Variants in CFTR observed in about 807,000 individuals in gnomAD.
CFTR encodes CF transmembrane conductance regulator.
In CFTR, 181 loss-of-function variants were observed where a neutral mutation model predicts 171.6. That is an observed-to-expected ratio of 1.05 (90% CI 0.93 to 1.19). The LOEUF (loss-of-function observed/expected upper bound fraction) is 1.19. CFTR is among the 50% of genes most tolerant of loss of function. The pLI, the probability that CFTR is intolerant of heterozygous loss-of-function variation, is 0.00. For missense variants in CFTR, 1,968 were observed against 1,734.7 expected, an observed-to-expected ratio of 1.13 and a Z score of -2.39; for synonymous variants, 583 against 608.0, an observed-to-expected ratio of 0.96 and a Z score of 0.60.
In CFTR at chr7:117,559,537, C is replaced by G. The variant is rs397508211; in HGVS notation, c.1466C>G (p.Ser489Ter). The G allele has an allele frequency of 6.2e-7, 1 of 1,611,132 alleles. No homozygotes were observed. Among genetic ancestry groups the G allele is most frequent in the African/African-American group, 1.3e-5 (1 of 74,810 alleles). The change falls in exon 11 of 27, where the codon TCA becomes TGA. Residue 489 changes from serine to a stop codon, truncating the protein, a stop_gained. Coordinates refer to ENST00000003084, the MANE Select transcript of CFTR (RefSeq NM_000492.4). LOFTEE classifies it high-confidence loss of function. ...EGKIKHSGRISFCSQFSWIMP... is the reference protein window; with the variant it reads ...EGKIKHSGRI ...AAAATTAAGCACAGTGGAAGAATTT[C>G]ATTCTGTTCTCAGTTTTCCTGGATT... is the stretch of plus-strand genomic sequence containing the variant.
At chr7:117,644,302 A>T (rs2116174583) in intron 23 of CFTR, among the ~76,000 whole-genome samples, 1 of 152,270 alleles carries the variant, frequency 6.6e-6, no homozygotes, top group East Asian at 1.9e-4. Context: ...AAGAAAGAGC[A>T]AAAGAGGGCA....
intron 10 of CFTR, among the ~76,000 whole-genome samples, chr7:117,553,047 A>G (rs767107305): frequency 1.7e-4 from 26 of 152,186 alleles, no homozygotes; most frequent in Non-Finnish European, 3.4e-4. Flanking sequence ...CCTTTCTGCC[A>G]TGTGAGAACA....
rs1792670569 is a variant in CFTR at position 117,627,562 on chromosome 7, C to T, written c.3509C>T (p.Pro1170Leu). The change falls in exon 22 of 27, where the codon CCA (proline) becomes CTA (leucine). Residue 1170 changes from proline to leucine, a missense_variant. Physicochemically the swap from Pro to Leu is moderately conservative, Grantham distance 98. Transcript: ENST00000003084. ...CGAGTCTTTAAGTTCATTGACATGC[C>T]AACAGAAGGTAAACCTACCAAGTCA... ...VSRVFKFIDM[P>L]TEGKPTKSTK... The T allele has an allele frequency of 6.2e-7, 1 of 1,612,968 alleles. No individual in the cohort carries two copies. The highest frequency in any genetic ancestry group is 1.3e-5 in the African/African-American group (1 of 74,812).
At chr7:117,486,144 A>G (rs1798070687) in intron 1 of CFTR, among the ~76,000 whole-genome samples, 1 of 152,140 alleles carries the variant, frequency 6.6e-6, no homozygotes, top group Admixed American at 6.6e-5. Flanking sequence ...TCATGGGGTA[A>G]GGAAATGAAG....
intron 3 of CFTR, among the ~76,000 whole-genome samples, chr7:117,521,763 G>T (rs1025465488): frequency 2.0e-5 from 3 of 152,094 alleles, no homozygotes; most frequent in Non-Finnish European, 4.4e-5. Flanking sequence ...GATCAGAACT[G>T]TAATTTTTAA....
chr7:117,627,641 A>T lies in CFTR; in HGVS notation c.3588A>T (p.Ser1196=), dbSNP rs759202870. ...CGAAAGTTATGATTATTGAGAATTCACACGTGAAGAAAGATGACATCTGGC... is the reference window on the plus strand; with the variant it reads ...CGAAAGTTATGATTATTGAGAATTCTCACGTGAAGAAAGATGACATCTGGC... ...QLSKVMIIEN[S]HVKKDDIWPS... The change falls in exon 22 of 27, where the codon TCA becomes TCT. Residue 1196 remains serine (S), a synonymous_variant. Transcript: ENST00000003084. The T allele has an allele frequency of 8.1e-6, 13 of 1,613,416 alleles. No homozygotes were observed. Among genetic ancestry groups the T allele is most frequent in the Non-Finnish European group, 1.1e-5 (13 of 1,179,628 alleles).
At chr7:117,536,193 A>G (rs2116678000) in intron 6 of CFTR, among the ~76,000 whole-genome samples, 1 of 152,324 alleles carries the variant, frequency 6.6e-6, no homozygotes, top group East Asian at 1.9e-4. Context: ...TTTGGAGTCA[A>G]ATAGCACTTT....
chr7:117,653,039 A>T (rs188608770), intron 24 of CFTR, 108 bp downstream of exon 24: 51 of 782,952 alleles, frequency 6.5e-5, no homozygotes, highest in Admixed American at 6.0e-4. Flanking sequence ...ATGTGTGTGC[A>T]CAACTTTAAA....
chr7:117,629,130 T>C (rs1792699376), intron 22 of CFTR, among the ~76,000 whole-genome samples: 1 of 152,142 alleles, frequency 6.6e-6, no homozygotes, highest in Non-Finnish European at 1.5e-5. Flanking sequence ...TGTAGCAAAA[T>C]GAGAAAGAAG....
intron 15 of CFTR, among the ~76,000 whole-genome samples, chr7:117,597,376 A>G (rs1442523953): frequency 6.6e-6 from 1 of 152,222 alleles, no homozygotes; most frequent in African/African-American, 2.4e-5. Context: ...GAACCCACCA[A>G]TTCCGGACAC....
chr7:117,491,209 A>T (rs1798155138), intron 1 of CFTR, among the ~76,000 whole-genome samples: 6 of 152,026 alleles, frequency 3.9e-5, no homozygotes, highest in Admixed American at 3.9e-4. Flanking sequence ...AAACACAGAA[A>T]AGGTGCACTA....
At chr7:117,535,524 AATT>A in intron 6 of CFTR, 113 bp downstream of exon 6, 2 of 774,648 alleles carry the variant, frequency 2.6e-6, no homozygotes, top group Non-Finnish European at 2.0e-6. Flanking sequence ...AGTGTCATTA[AATT>A]TTTTTTTTTT....
At chr7:117,566,688 C>G (rs1446480686) in intron 11 of CFTR, among the ~76,000 whole-genome samples, 2 of 152,062 alleles carry the variant, frequency 1.3e-5, no homozygotes, top group Non-Finnish European at 2.9e-5. Flanking sequence ...CATTTGAGCC[C>G]TGGAACTTGA....
At chr7:117,612,504 G>T (rs1451049818) in intron 20 of CFTR, among the ~76,000 whole-genome samples, 1 of 152,008 alleles carries the variant, frequency 6.6e-6, no homozygotes, top group Non-Finnish European at 1.5e-5. Flanking sequence ...ATCTATGTAG[G>T]TAAATTTGTT....
intron 21 of CFTR, among the ~76,000 whole-genome samples, chr7:117,620,074 AT>A (rs3840654): frequency 0.47 from 70,015 of 149,524 alleles, 18,930 homozygotes; most frequent in African/African-American, 0.77. Flanking sequence ...CATTTCTTCA[AT>A]TTTTTTTTTT....
In CFTR at chr7:117,667,274, A is replaced by G; in HGVS notation, c.*166A>G. ...AAACATTTGGTAAGGGGAATTGAGG[A>G]CACTGATATGGGTCTTGATAAATGG... On this transcript the variant is annotated 3_prime_UTR_variant, in exon 27 of 27. Coordinates refer to ENST00000003084, the MANE Select transcript of CFTR (RefSeq NM_000492.4). The G allele has an allele frequency of 1.4e-6, 1 of 690,856 alleles. No homozygotes were observed. The highest frequency in any genetic ancestry group is 1.6e-5 in the South Asian group (1 of 63,734). The allele number at this position is 690,856 out of a possible 1,614,324, so 42.8% of individuals were successfully genotyped here.
At chr7:117,529,771 CA>C (rs1006365580) in intron 3 of CFTR, among the ~76,000 whole-genome samples, 27 of 152,002 alleles carry the variant, frequency 1.8e-4, no homozygotes, top group Non-Finnish European at 3.8e-4. Context: ...AGAAAATGGA[CA>C]AAAACCCCTC....
At chr7:117,489,760 G>A (rs555771288) in intron 1 of CFTR, among the ~76,000 whole-genome samples, 211 of 151,700 alleles carry the variant, frequency 1.4e-3, no homozygotes, top group African/African-American at 5.0e-3. Flanking sequence ...GATCATGTTC[G>A]GATCAATCTA....
At chr7:117,614,392 A>G (rs1393613348) in intron 20 of CFTR, among the ~76,000 whole-genome samples, 6 of 152,124 alleles carry the variant, frequency 3.9e-5, no homozygotes, top group East Asian at 1.9e-4. Context: ...CTAATATTCA[A>G]TCGCTCTTTG....
Sources: gnomAD v4.1 joint callset for allele counts (sites outside exome capture counted in the v4.1 genomes callset) on GRCh38, gnomAD v4.1.1 for gene constraint, MANE v1.5 for transcripts, NCBI Gene and HGNC (gene_info 2026-07-23, HGNC 2026-07-21) for gene names.